NPAS3: variants seen among roughly 807,000 people sequenced by gnomAD.
The protein encoded by NPAS3 is neuronal PAS domain protein 3, also known as neuronal PAS domain-containing protein 3.
NPAS3 carries 14 observed loss-of-function variants against 73.1 expected under a neutral mutation model. The ratio of observed to expected loss-of-function variants is 0.19; its 90% CI spans 0.13 to 0.30. The LOEUF (loss-of-function observed/expected upper bound fraction) is 0.30. Ranked by LOEUF, NPAS3 falls within the 10% of genes least tolerant of loss-of-function variation. The pLI is 1.00. For missense variants in NPAS3, 1,096 were observed against 1,250.0 expected, an observed-to-expected ratio of 0.88 and a Z score of 1.86; for synonymous variants, 620 against 541.5, an observed-to-expected ratio of 1.14 and a Z score of -2.01.
chr14:33,264,335 T>A (rs552202680), intron 3 of NPAS3, among the ~76,000 whole-genome samples: 1 of 152,142 alleles, frequency 6.6e-6, no homozygotes, highest in African/African-American at 2.4e-5. Context: ...GATGAGTTAA[T>A]GGGTGCAGCA....
exon 3 of NPAS3, chr14:33,215,216 G>A (rs2047176509): frequency 6.2e-7 from 1 of 1,613,734 alleles, no homozygotes; most frequent in East Asian, 2.2e-5. Context: ...ATCCCGAGAT[G>A]CTGCTCGCTC....
intron 6 of NPAS3, among the ~76,000 whole-genome samples, chr14:33,678,961 G>A (rs1447303545): frequency 6.6e-6 from 1 of 152,134 alleles, no homozygotes; most frequent in Non-Finnish European, 1.5e-5. Context: ...TAGACTGTAG[G>A]AGAATATATA....
chr14:33,165,148 C>G (rs567297998), intron 2 of NPAS3, among the ~76,000 whole-genome samples: 2 of 152,004 alleles, frequency 1.3e-5, no homozygotes, highest in Non-Finnish European at 1.5e-5. Context: ...GTACTAGGTG[C>G]CAGGCATTGG....
rs55885070 is a variant in NPAS3 at position 33,582,970 on chromosome 14, GTTTT to G, written c.558+22773_558+22776del. ...TCCTTTGGACCTAGATATTTAAAGG[GTTTT>G]TTTTTTTTTTTTGGCTACTGGTTTT... On this transcript the variant is annotated intron_variant, in intron 5 of 11. Transcript: ENST00000356141. 4.3e-4 allele frequency among the ~76,000 whole-genome samples: 40 copies of G among 93,300 alleles called. 2 individuals are homozygous for G. Among genetic ancestry groups the G allele is most frequent in the African/African-American group, 2.5e-3 (32 of 12,788 alleles). The allele number at this position is 93,300 out of a possible 152,430, so 61.2% of individuals were successfully genotyped here.
chr14:33,413,025 A>G (rs1287021166), intron 4 of NPAS3, among the ~76,000 whole-genome samples: 1 of 152,198 alleles, frequency 6.6e-6, no homozygotes, highest in Non-Finnish European at 1.5e-5. Context: ...AGGGCTTGAA[A>G]GCAAAGGCAG....
At chr14:33,207,209 A>G (rs1365428184) in intron 2 of NPAS3, among the ~76,000 whole-genome samples, 2 of 150,726 alleles carry the variant, frequency 1.3e-5, no homozygotes, top group African/African-American at 4.9e-5. Flanking sequence ...GATGCTTTCC[A>G]GGAAGTTCTC....
intron 4 of NPAS3, among the ~76,000 whole-genome samples, chr14:33,552,092 C>T (rs117497177): frequency 0.011 from 1,689 of 152,304 alleles, 16 homozygotes; most frequent in Non-Finnish European, 0.013. Context: ...CCTTTGTGAA[C>T]CTCAGGCTGT....
At chr14:33,572,663 T>C (rs905466001) in intron 5 of NPAS3, among the ~76,000 whole-genome samples, 1 of 152,170 alleles carries the variant, frequency 6.6e-6, no homozygotes, top group African/African-American at 2.4e-5. Context: ...GCATGTCAAA[T>C]TATTCGTTTT....
intron 1 of NPAS3, among the ~76,000 whole-genome samples, chr14:33,022,208 TAATG>T (rs1217744793): frequency 2.0e-5 from 3 of 152,136 alleles, no homozygotes; most frequent in East Asian, 3.9e-4. Flanking sequence ...AATGGGAAAA[TAATG>T]AAGACAGAGA....
At chr14:33,429,129 C>T (rs2048677543) in intron 4 of NPAS3, among the ~76,000 whole-genome samples, 1 of 152,054 alleles carries the variant, frequency 6.6e-6, no homozygotes, top group Non-Finnish European at 1.5e-5. Flanking sequence ...GATGAAATGA[C>T]ACCTTTGTAT....
chr14:33,440,256 G>A (rs543101929), intron 4 of NPAS3, among the ~76,000 whole-genome samples: 1 of 152,208 alleles, frequency 6.6e-6, no homozygotes, highest in East Asian at 1.9e-4. Flanking sequence ...CAAGGTACTT[G>A]TCACTGGACC....
intron 4 of NPAS3, among the ~76,000 whole-genome samples, chr14:33,393,756 T>G (rs936924624): frequency 6.6e-6 from 1 of 152,140 alleles, no homozygotes; most frequent in South Asian, 2.1e-4. Context: ...AGCATTTCAG[T>G]GCTCTCAGGG....
At chr14:33,649,380 T>C (rs2140223620) in intron 5 of NPAS3, among the ~76,000 whole-genome samples, 1 of 152,306 alleles carries the variant, frequency 6.6e-6, no homozygotes, top group African/African-American at 2.4e-5. Flanking sequence ...AGTTACACCA[T>C]CGAGGGTTGC....
intron 5 of NPAS3, among the ~76,000 whole-genome samples, chr14:33,581,907 A>G (rs748613105): frequency 3.3e-5 from 5 of 152,194 alleles, no homozygotes; most frequent in Non-Finnish European, 7.3e-5. Context: ...ACACTTACAA[A>G]GTATTGTTAA....
chr14:33,668,975 G>A (rs764995850), intron 5 of NPAS3, among the ~76,000 whole-genome samples: 25 of 152,096 alleles, frequency 1.6e-4, no homozygotes, highest in African/African-American at 4.8e-4. Flanking sequence ...ACTGAAGTCC[G>A]GCTATGCATA....
intron 4 of NPAS3, among the ~76,000 whole-genome samples, chr14:33,445,457 T>C (rs1393219587): frequency 6.6e-6 from 1 of 152,252 alleles, no homozygotes; most frequent in African/African-American, 2.4e-5. Context: ...GAAATATTTT[T>C]ATATCTCACA....
chr14:33,117,816 G>A (rs1296546712), intron 2 of NPAS3, among the ~76,000 whole-genome samples: 2 of 152,088 alleles, frequency 1.3e-5, no homozygotes, highest in Non-Finnish European at 2.9e-5. Context: ...AGAAGTAAAT[G>A]AAAGCAGCAA....
chr14:33,447,614 AG>A (rs943652366), intron 4 of NPAS3, among the ~76,000 whole-genome samples: 1 of 152,178 alleles, frequency 6.6e-6, no homozygotes, highest in African/African-American at 2.4e-5. Context: ...AGGTAGCAGC[AG>A]GGGTGAGAAC....
At chr14:33,208,686 G>A (rs1302631792) in intron 2 of NPAS3, among the ~76,000 whole-genome samples, 1 of 152,028 alleles carries the variant, frequency 6.6e-6, no homozygotes, top group Non-Finnish European at 1.5e-5. Context: ...TGTTAAATGA[G>A]AAAAATAAAG....
Sources: allele counts gnomAD v4.1 joint callset (sites outside exome capture counted in the v4.1 genomes callset), GRCh38; gene constraint gnomAD v4.1.1; transcripts MANE v1.5; gene names NCBI Gene and HGNC (gene_info 2026-07-23, HGNC 2026-07-21).